SDF4: variants seen among roughly 807,000 people sequenced by gnomAD.
SDF4 encodes stromal cell derived factor 4.
In SDF4, 22 loss-of-function variants were observed where a neutral mutation model predicts 34.2. The ratio of observed to expected loss-of-function variants is 0.64; its 90% confidence interval spans 0.46 to 0.92. The LOEUF is 0.92. SDF4 is among the 40% of genes least tolerant of loss of function. SDF4 has a pLI of 0.00. For missense variants in SDF4, 447 were observed against 499.9 expected (o/e 0.89, Z 1.01); for synonymous variants, 236 against 203.1 (o/e 1.16, Z -1.38).
At chr1:1,221,503 G>A (rs1458896875) in intron 4 of SDF4, among the ~76,000 whole-genome samples, 4 of 152,130 alleles carry the variant, frequency 2.6e-5, no homozygotes, top group Non-Finnish European at 4.4e-5. Flanking sequence ...GGCCGTTCCT[G>A]GCAGGAACGT....
At position 1,218,976 on chromosome 1, in the gene SDF4, G is replaced by A. The variant is rs903606893; in HGVS notation, c.557-49C>T. ...TATCGAGGCCGACAGACGCCAGCAC[G>A]CAAATCCAGAAAGTTCCGAGAGGTG... is the stretch of plus-strand genomic sequence containing the variant. On this transcript the variant is annotated intron_variant, in intron 4 of 6. Coordinates refer to ENST00000360001, the MANE Select transcript of SDF4 (RefSeq NM_016176.6). The surrounding 1 kb of genome is among the most constrained non-coding windows in gnomAD (Gnocchi z 7.9). The A allele has an allele frequency of 4.3e-6, 7 of 1,612,488 alleles. No homozygotes were observed. Among genetic ancestry groups the A allele is most frequent in the Non-Finnish European group, 5.9e-6 (7 of 1,179,790 alleles).
At position 1,228,842 on chromosome 1, in the gene SDF4, GGGCAGA is replaced by G; in HGVS notation, c.-76_-71del. The G allele has an allele frequency of 7.1e-7, 1 of 1,399,364 alleles. No individual in the cohort carries two copies. Among genetic ancestry groups the G allele is most frequent in the Non-Finnish European group, 9.7e-7 (1 of 1,033,256 alleles). The allele number at this position is 1,399,364 out of a possible 1,614,324, so 86.7% of individuals were successfully genotyped here. A position where few individuals can be genotyped will look rare whatever the true frequency, so the allele number is the denominator to read the frequency against. On this transcript the variant is annotated 5_prime_UTR_variant, in exon 2 of 7. Transcript: ENST00000360001. Reference sequence around the variant, plus strand: ...CAGGTGCTGGGAGGGGCAGGGGCAGGGGCAGAGGAGGAAGTGAGGTCCTGGCTCCAA... The same window carrying G: ...CAGGTGCTGGGAGGGGCAGGGGCAGGGGAGGAAGTGAGGTCCTGGCTCCAA...
rs1055189871 is a variant in SDF4 at position 1,226,190 on chromosome 1, C to T, written c.306-2222G>A. On this transcript the variant is annotated intron_variant, in intron 2 of 6. Transcript: ENST00000360001. Reference sequence around the variant, plus strand: ...TGCACTGGGGCAGGTGGCACGGAGGCGAGCCCAGAGCATCTCACCGTGCCA... The same window carrying T: ...TGCACTGGGGCAGGTGGCACGGAGGTGAGCCCAGAGCATCTCACCGTGCCA... Among the ~76,000 whole-genome samples the T allele has an allele frequency of 5.3e-5, 8 of 152,186 alleles. No individual in the cohort carries two copies. The East Asian group carries it at 5.8e-4, about 11-fold the overall frequency.
intron 1 of SDF4, among the ~76,000 whole-genome samples, chr1:1,231,403 C>T (rs188684002): frequency 6.6e-6 from 1 of 152,388 alleles, no homozygotes; most frequent in East Asian, 1.9e-4. Context: ...GTTAACAACA[C>T]ACACGGTTAG....
At chr1:1,229,868 C>A (rs1414584109) in intron 1 of SDF4, among the ~76,000 whole-genome samples, 4 of 152,008 alleles carry the variant, frequency 2.6e-5, no homozygotes, top group African/African-American at 9.7e-5. Flanking sequence ...CTGGTCCCAG[C>A]AAACAAACAC....
chr1:1,219,805 C>T (rs2100969443), intron 4 of SDF4: 2 of 985,906 alleles, frequency 2.0e-6, no homozygotes, highest in South Asian at 4.7e-5. Context: ...CACACTCAGC[C>T]CCCTGCACGT....
intron 3 of SDF4, 46 bp downstream of exon 3, chr1:1,223,786 G>GA: frequency 1.7e-6 from 1 of 585,242 alleles, no homozygotes; most frequent in Non-Finnish European, 2.9e-6. Flanking sequence ...CCATGGCCCT[G>GA]CCCGCCCCGC....
chr1:1,224,631 G>A (rs988553816), intron 2 of SDF4, among the ~76,000 whole-genome samples: 1 of 152,148 alleles, frequency 6.6e-6, no homozygotes, highest in East Asian at 1.9e-4. Context: ...CTTCATATAG[G>A]CAGGACGCAG....
At position 1,217,886 on chromosome 1, in the gene SDF4, G is replaced by T; in HGVS notation, c.892-198C>A. 7.1e-7 allele frequency: 1 copy of T among 1,417,614 alleles called. No homozygotes were observed. Among genetic ancestry groups the T allele is most frequent in the Non-Finnish European group, 9.3e-7 (1 of 1,076,972 alleles). The allele number at this position is 1,417,614 out of a possible 1,614,324, so 87.8% of individuals were successfully genotyped here. A position where few individuals can be genotyped will look rare whatever the true frequency, so the allele number is the denominator to read the frequency against. ...GGGGGCCCCGGAAGGCCTGCCCGGG[G>T]CCAGCAGGGGTAACGGGGCACAGGG... is the stretch of plus-strand genomic sequence containing the variant. On this transcript the variant is annotated intron_variant, in intron 6 of 6. Coordinates refer to ENST00000360001, the MANE Select transcript of SDF4 (RefSeq NM_016176.6). This position sits in a 1 kb window ranked among gnomAD's most constrained non-coding sequence, Gnocchi z 8.5.
chr1:1,229,379 T>G (rs1266397926), intron 1 of SDF4, among the ~76,000 whole-genome samples: 1 of 126,768 alleles, frequency 7.9e-6, no homozygotes, highest in African/African-American at 3.5e-5. Flanking sequence ...GTAATTTATT[T>G]TTATTTTACT....
intron 1 of SDF4, 52 bp from the exon 2 acceptor site, chr1:1,228,998 A>C: frequency 1.7e-6 from 1 of 581,092 alleles, no homozygotes. Flanking sequence ...AGACTTCCCC[A>C]AGCACGTCTA....
intron 4 of SDF4, chr1:1,220,793 G>A: frequency 1.6e-6 from 2 of 1,278,620 alleles, no homozygotes; most frequent in South Asian, 1.2e-5. Context: ...AGAGTTGGGG[G>A]GCGGGCACGG....
Position 1,220,891 on chromosome 1 carries a change from G to C in SDF4, c.557-1964C>G, listed in dbSNP as rs554244993. On this transcript the variant is annotated intron_variant, in intron 4 of 6. Transcript: ENST00000360001. ...CGCAGTCAGGACAGCAGGGAACGCG[G>C]GACCGGGGTGGAGGCACGAACCGTG... The C allele has an allele frequency of 8.9e-4, 497 of 560,060 alleles. 3 individuals are homozygous for C. Among genetic ancestry groups the C allele is most frequent in the South Asian group, 2.4e-3 (147 of 61,122 alleles). The allele number at this position is 560,060 out of a possible 1,614,324, so 34.7% of individuals were successfully genotyped here.
Position 1,217,264 on chromosome 1 carries a change from G to A in SDF4, c.*248C>T, listed in dbSNP as rs1013824460. 16 of 192,862 alleles carry A rather than the reference G, an allele frequency of 8.3e-5. No individual in the cohort carries two copies. Among genetic ancestry groups the A allele is most frequent in the South Asian group, 1.9e-4 (1 of 5,162 alleles). 11.9% of individuals were successfully genotyped at this position (192,862 alleles called of 1,614,324 possible). The stretch of plus-strand genomic sequence containing the variant: ...GAAGTGAGATGCCACGATTTCGAGG[G>A]ACCAGGGAGGAGGCGGCGCCGCGGG... On this transcript the variant is annotated 3_prime_UTR_variant, in exon 7 of 7. Transcript: ENST00000360001. The surrounding 1 kb of genome is among the most constrained non-coding windows in gnomAD (Gnocchi z 8.5).
chr1:1,224,256 A>T (rs1485497846), intron 2 of SDF4, among the ~76,000 whole-genome samples: 1 of 151,948 alleles, frequency 6.6e-6, no homozygotes, highest in African/African-American at 2.4e-5. Flanking sequence ...CTCCAACCAC[A>T]GCTTCCAAAA....
rs778059046 is a variant in SDF4, at chr1:1,228,459, G to A, written c.305+9C>T. The stretch of plus-strand genomic sequence containing the variant: ...CAGCCCCCCAGTCTGGGCACATGGC[G>A]GCACCTACTTGGAAAAGATGACCAT... On this transcript the variant is annotated intron_variant, in intron 2 of 6. Coordinates refer to ENST00000360001, the MANE Select transcript of SDF4 (RefSeq NM_016176.6). 34 of 1,593,380 alleles carry A rather than the reference G, an allele frequency of 2.1e-5. No individual in the cohort carries two copies. The highest frequency in any genetic ancestry group is 1.8e-4 in the East Asian group (8 of 44,536).
At chr1:1,224,642 TGG>T (rs1638239424) in intron 2 of SDF4, among the ~76,000 whole-genome samples, 1 of 152,168 alleles carries the variant, frequency 6.6e-6, no homozygotes, top group Non-Finnish European at 1.5e-5. Context: ...CAGGACGCAG[TGG>T]CCACACCTAT....
chr1:1,223,482 G>T, intron 3 of SDF4, 125 bp from the exon 4 acceptor site: 1 of 758,668 alleles, frequency 1.3e-6, no homozygotes. Flanking sequence ...TGGAGCCCCA[G>T]GGCCCCGGCC....
chr1:1,220,663 T>G (rs1649891684), intron 4 of SDF4: 1 of 1,289,052 alleles, frequency 7.8e-7, no homozygotes, highest in Non-Finnish European at 1.0e-6. Context: ...ACACCTCTGC[T>G]GAGTCCCAAA....
Sources: allele counts gnomAD v4.1 joint callset (sites outside exome capture counted in the v4.1 genomes callset), GRCh38; gene constraint gnomAD v4.1.1; non-coding constraint Gnocchi (gnomAD v3.1); transcripts MANE v1.5; gene names NCBI Gene and HGNC (gene_info 2026-07-23, HGNC 2026-07-21).